Variants in TCF7L1 observed in about 807,000 individuals in gnomAD.
The protein encoded by TCF7L1 is transcription factor 7 like 1.
A neutral mutation model predicts 63.7 loss-of-function variants in TCF7L1; 18 were observed. The observed-to-expected ratio is 0.28, with a 90% CI of 0.20 to 0.42. The LOEUF (loss-of-function observed/expected upper bound fraction) is 0.42. TCF7L1 is among the 10% of genes least tolerant of loss of function. The pLI is 1.00. For synonymous variants in TCF7L1, 355 were observed against 340.9 expected (o/e 1.04, Z -0.46); for missense variants, 654 against 779.3 (o/e 0.84, Z 1.91).
chr2:85,281,702 G>A (rs6745204), intron 3 of TCF7L1, among the ~76,000 whole-genome samples: 50,444 of 152,046 alleles, frequency 0.33, 9,604 homozygotes, highest in African/African-American at 0.52. Flanking sequence ...ATAGGGCTTC[G>A]TTCCCACTTC....
chr2:85,224,018 A>T (rs140909830), intron 3 of TCF7L1, among the ~76,000 whole-genome samples: 2,135 of 152,180 alleles, frequency 0.014, 47 homozygotes, highest in African/African-American at 0.048. Context: ...ACTCCCACCT[A>T]TGAGTGAGGA....
rs1330020591 is a variant in TCF7L1, at chr2:85,309,047, G to A, written c.1352G>A (p.Ser451Asn). The change falls in exon 12 of 12, where the codon AGC becomes AAC. Residue 451 changes from serine to asparagine, a missense_variant. Physicochemically the swap from Ser to Asn is conservative, Grantham distance 46. Coordinates refer to ENST00000282111, the MANE Select transcript of TCF7L1 (RefSeq NM_031283.3). ...QEAEGALASK[S>N]KKPCVQYLPP... ...CCCCTAGGTGCCCTGGCCTCCAAGAGCAAGAAGCCATGTGTTCAGTACCTG... is the reference window on the plus strand; with the variant it reads ...CCCCTAGGTGCCCTGGCCTCCAAGAACAAGAAGCCATGTGTTCAGTACCTG... The A allele has an allele frequency of 1.3e-6, 2 of 1,596,714 alleles. No homozygotes were observed. The highest frequency in any genetic ancestry group is 1.7e-6 in the Non-Finnish European group (2 of 1,169,782).
chr2:85,220,445 T>C (rs749278802), intron 3 of TCF7L1, among the ~76,000 whole-genome samples: 2 of 151,356 alleles, frequency 1.3e-5, no homozygotes, highest in Non-Finnish European at 3.0e-5. Context: ...GTCAGCTCAC[T>C]GCAACCTCCT....
At chr2:85,229,171 C>G (rs1680020588) in intron 3 of TCF7L1, among the ~76,000 whole-genome samples, 2 of 152,030 alleles carry the variant, frequency 1.3e-5, no homozygotes, top group South Asian at 4.1e-4. Context: ...ATGGTGAAAC[C>G]CTGTCTCTAC....
intron 7 of TCF7L1, 92 bp downstream of exon 7, chr2:85,304,430 C>G: frequency 7.5e-7 from 1 of 1,330,594 alleles, no homozygotes; most frequent in Non-Finnish European, 1.0e-6. Context: ...AGTTAATGAG[C>G]AGGCACAGGG....
At chr2:85,270,848 C>T (rs879578604) in intron 3 of TCF7L1, among the ~76,000 whole-genome samples, 1 of 152,216 alleles carries the variant, frequency 6.6e-6, no homozygotes, top group African/African-American at 2.4e-5. Flanking sequence ...CGCCACCACA[C>T]CTGGCTAATT....
intron 3 of TCF7L1, among the ~76,000 whole-genome samples, chr2:85,227,992 C>CAAAA (rs34769307): frequency 1.0e-4 from 8 of 79,512 alleles, no homozygotes; most frequent in African/African-American, 2.9e-4. Context: ...ACCCTGTCTC[C>CAAAA]AAAAAAAAAA....
intron 3 of TCF7L1, among the ~76,000 whole-genome samples, chr2:85,234,912 G>C (rs761428580): frequency 6.6e-6 from 1 of 152,152 alleles, no homozygotes; most frequent in Non-Finnish European, 1.5e-5. Flanking sequence ...GAGGTTTGGG[G>C]ATTTAACTTG....
chr2:85,173,851 C>G (rs1413874860), intron 3 of TCF7L1, among the ~76,000 whole-genome samples: 1 of 152,066 alleles, frequency 6.6e-6, no homozygotes, highest in East Asian at 1.9e-4. Flanking sequence ...ATTCTCCTGC[C>G]TCGGCCTCCT....
intron 8 of TCF7L1, among the ~76,000 whole-genome samples, chr2:85,305,682 C>T (rs1356374040): frequency 6.6e-6 from 1 of 152,258 alleles, no homozygotes; most frequent in East Asian, 1.9e-4. Flanking sequence ...GCTTTTAACA[C>T]CCCACCGTAA....
chr2:85,256,317 G>T (rs771402893), intron 3 of TCF7L1, among the ~76,000 whole-genome samples: 5 of 152,318 alleles, frequency 3.3e-5, no homozygotes, highest in Non-Finnish European at 7.4e-5. Context: ...GCTTTCAGTT[G>T]TAAGGATGGG....
chr2:85,191,859 C>G (rs1679043792), intron 3 of TCF7L1, among the ~76,000 whole-genome samples: 1 of 152,010 alleles, frequency 6.6e-6, no homozygotes, highest in Admixed American at 6.6e-5. Flanking sequence ...ATTTTATTTC[C>G]TCATTGGATG....
chr2:85,236,210 C>T (rs142765954), intron 3 of TCF7L1, among the ~76,000 whole-genome samples: 2 of 152,192 alleles, frequency 1.3e-5, no homozygotes, highest in African/African-American at 4.8e-5. Flanking sequence ...GCCAAGATGG[C>T]TTTAACAACC....
intron 4 of TCF7L1, among the ~76,000 whole-genome samples, chr2:85,294,461 G>A (rs1681800822): frequency 6.6e-6 from 1 of 152,158 alleles, no homozygotes; most frequent in Non-Finnish European, 1.5e-5. Flanking sequence ...AAGTTTCCAG[G>A]TGATGCTTAT....
At chr2:85,284,408 T>C (rs1323911643) in intron 4 of TCF7L1, among the ~76,000 whole-genome samples, 1 of 152,166 alleles carries the variant, frequency 6.6e-6, no homozygotes, top group East Asian at 1.9e-4. Context: ...TGCCAGGCCC[T>C]GTGGCAATAC....
At chr2:85,149,346 T>TACACATATGTGTGTATATGTGTATAC (rs1677955741) in intron 3 of TCF7L1, among the ~76,000 whole-genome samples, 6 of 151,734 alleles carry the variant, frequency 4.0e-5, no homozygotes, top group African/African-American at 1.5e-4. Context: ...TATATGTGTA[T>TACACATATGTGTGTATATGTGTATAC]ACACACACAC....
At chr2:85,150,677 A>G (rs1399470428) in intron 3 of TCF7L1, among the ~76,000 whole-genome samples, 1 of 151,684 alleles carries the variant, frequency 6.6e-6, no homozygotes, top group Non-Finnish European at 1.5e-5. Context: ...GTATCTCCTC[A>G]GGAACGTTAT....
intron 4 of TCF7L1, among the ~76,000 whole-genome samples, chr2:85,302,175 TGA>T (rs1405569982): frequency 6.6e-6 from 1 of 151,910 alleles, no homozygotes; most frequent in East Asian, 1.9e-4. Context: ...TTCAATGAGA[TGA>T]CACAGCGCAG....
At chr2:85,155,350 G>C (rs185297593) in intron 3 of TCF7L1, among the ~76,000 whole-genome samples, 1 of 152,178 alleles carries the variant, frequency 6.6e-6, no homozygotes, top group Non-Finnish European at 1.5e-5. Context: ...CAGCAGCAAC[G>C]CTCTGTGGAA....
Sources: allele counts gnomAD v4.1 joint callset (sites outside exome capture counted in the v4.1 genomes callset), GRCh38; gene constraint gnomAD v4.1.1; transcripts MANE v1.5; gene names NCBI Gene and HGNC (gene_info 2026-07-23, HGNC 2026-07-21).